DOK6: variants seen among roughly 807,000 people sequenced by gnomAD.
The protein encoded by DOK6 is docking protein 6.
DOK6 carries 22 observed loss-of-function variants against 44.0 expected under a neutral mutation model. That is an observed-to-expected ratio of 0.50 (90% CI 0.36 to 0.71). The LOEUF is 0.71. DOK6 is among the 30% of genes least tolerant of loss of function. The probability of loss-of-function intolerance (pLI) is 0.00; values close to 1 mark genes in which losing one functional copy is unlikely to be tolerated. For synonymous variants in DOK6, 166 were observed against 145.5 expected, an observed-to-expected ratio of 1.14 and a Z score of -1.01; for missense variants, 340 against 416.4, an observed-to-expected ratio of 0.82 and a Z score of 1.60.
At chr18:69,822,211 T>A (rs1270949583) in intron 7 of DOK6, among the ~76,000 whole-genome samples, 1 of 152,158 alleles carries the variant, frequency 6.6e-6, no homozygotes, top group Admixed American at 6.6e-5. Context: ...TTTTGAAGCC[T>A]CCACCTTTAG....
At chr18:69,659,265 A>G (rs77895527) in intron 3 of DOK6, among the ~76,000 whole-genome samples, 11,148 of 152,240 alleles carry the variant, frequency 0.073, 461 homozygotes, top group Admixed American at 0.1. Flanking sequence ...CTTTCATATT[A>G]CATAAAATGA....
chr18:69,462,647 C>A (rs1216152448), intron 1 of DOK6, among the ~76,000 whole-genome samples: 3 of 152,116 alleles, frequency 2.0e-5, no homozygotes, highest in African/African-American at 7.2e-5. Context: ...CAGTGAATTG[C>A]TTTGGCTTTA....
At chr18:69,706,397 G>A (rs74915214) in intron 5 of DOK6, among the ~76,000 whole-genome samples, 5,639 of 152,110 alleles carry the variant, frequency 0.037, 167 homozygotes, top group East Asian at 0.087. Context: ...GCTTACAACC[G>A]AAAGTTTTCT....
chr18:69,770,494 C>T (rs1427731336), intron 7 of DOK6, among the ~76,000 whole-genome samples: 1 of 152,066 alleles, frequency 6.6e-6, no homozygotes, highest in African/African-American at 2.4e-5. Flanking sequence ...CAGCTCTTCT[C>T]AAATGTGCTT....
chr18:69,680,484 T>C (rs1477289526), intron 4 of DOK6, among the ~76,000 whole-genome samples: 2 of 152,234 alleles, frequency 1.3e-5, no homozygotes, highest in African/African-American at 4.8e-5. Context: ...CAGAGCCAGC[T>C]AGAACTTTTT....
chr18:69,569,477 A>G (rs984358279), intron 2 of DOK6, among the ~76,000 whole-genome samples: 4 of 152,202 alleles, frequency 2.6e-5, no homozygotes, highest in African/African-American at 4.8e-5. Flanking sequence ...CGTGACAATT[A>G]CAATGTCCAA....
intron 1 of DOK6, among the ~76,000 whole-genome samples, chr18:69,513,759 A>C (rs190818375): frequency 1.8e-4 from 27 of 152,348 alleles, no homozygotes; most frequent in African/African-American, 6.3e-4. Flanking sequence ...TTAGCAGTGA[A>C]TCAATGCATT....
chr18:69,500,739 TATG>T (rs1981025340), intron 1 of DOK6, among the ~76,000 whole-genome samples: 1 of 152,208 alleles, frequency 6.6e-6, no homozygotes, highest in Admixed American at 6.5e-5. Flanking sequence ...TTATTAATAA[TATG>T]TAATCTTATA....
intron 1 of DOK6, among the ~76,000 whole-genome samples, chr18:69,438,031 G>C (rs1287005040): frequency 6.6e-6 from 1 of 152,154 alleles, no homozygotes; most frequent in African/African-American, 2.4e-5. Context: ...TATTTTGCTG[G>C]TGAAGGGTCT....
chr18:69,674,531 C>T (rs902895717), intron 3 of DOK6, among the ~76,000 whole-genome samples: 1 of 152,114 alleles, frequency 6.6e-6, no homozygotes, highest in Non-Finnish European at 1.5e-5. Flanking sequence ...AACACACACT[C>T]ATACACTCAC....
At chr18:69,828,850 G>T (rs1255386146) in intron 7 of DOK6, among the ~76,000 whole-genome samples, 1 of 93,620 alleles carries the variant, frequency 1.1e-5, no homozygotes, top group Non-Finnish European at 2.5e-5. Flanking sequence ...GCTTTGAGAT[G>T]AAAGTCCCAT....
chr18:69,565,979 C>T (rs1457227092), intron 2 of DOK6, among the ~76,000 whole-genome samples: 2 of 152,062 alleles, frequency 1.3e-5, no homozygotes, highest in South Asian at 2.1e-4. Flanking sequence ...AAATGTGAGT[C>T]CATGATATTT....
chr18:69,447,884 C>T (rs1326947264), intron 1 of DOK6, among the ~76,000 whole-genome samples: 6 of 152,194 alleles, frequency 3.9e-5, no homozygotes, highest in Non-Finnish European at 8.8e-5. Flanking sequence ...TATTCCTTAT[C>T]TCAGGTTTCC....
chr18:69,752,257 T>A (rs921199428), intron 6 of DOK6, among the ~76,000 whole-genome samples: 120 of 152,282 alleles, frequency 7.9e-4, no homozygotes, highest in Middle Eastern at 6.8e-3. Context: ...TGTATTTTTT[T>A]AAAAAATCCT....
chr18:69,470,424 C>T (rs1214099451), intron 1 of DOK6, among the ~76,000 whole-genome samples: 1 of 152,192 alleles, frequency 6.6e-6, no homozygotes, highest in Non-Finnish European at 1.5e-5. Flanking sequence ...GTCTCCTTTT[C>T]TGGCCTGGCC....
intron 1 of DOK6, among the ~76,000 whole-genome samples, chr18:69,443,670 G>T (rs374253784): frequency 6.6e-6 from 1 of 152,034 alleles, no homozygotes; most frequent in Non-Finnish European, 1.5e-5. Flanking sequence ...TTGTATCTCC[G>T]GCATTTTCTT....
At chr18:69,609,895 G>A (rs570518064) in intron 3 of DOK6, among the ~76,000 whole-genome samples, 6 of 152,152 alleles carry the variant, frequency 3.9e-5, no homozygotes, top group Admixed American at 2.0e-4. Context: ...AATCTTGAGA[G>A]CATTATATTA....
intron 1 of DOK6, among the ~76,000 whole-genome samples, chr18:69,503,632 T>C (rs1029277554): frequency 3.9e-5 from 6 of 152,082 alleles, no homozygotes; most frequent in Admixed American, 6.5e-5. Flanking sequence ...ATACTTGTTT[T>C]TCAGTTCAAC....
intron 1 of DOK6, among the ~76,000 whole-genome samples, chr18:69,509,662 A>C (rs911315045): frequency 5.1e-5 from 6 of 118,112 alleles, no homozygotes; most frequent in African/African-American, 1.6e-4. Context: ...AAAAAAAAAA[A>C]ACACACAAGT....
Sources: allele counts gnomAD v4.1 joint callset (sites outside exome capture counted in the v4.1 genomes callset), GRCh38; gene constraint gnomAD v4.1.1; transcripts MANE v1.5; gene names NCBI Gene and HGNC (gene_info 2026-07-23, HGNC 2026-07-21).